The following ME3 variants were observed in gnomAD, a reference collection of about 807,000 sequenced individuals.
The protein encoded by ME3 is malic enzyme 3.
In ME3, 48 loss-of-function variants were observed where a neutral mutation model predicts 68.9. That is an observed-to-expected ratio of 0.70 (90% CI 0.55 to 0.89). The LOEUF is 0.89. Among genes scored for constraint, ME3 ranks in the 40% least tolerant of loss-of-function variants. The pLI, the probability that ME3 is intolerant of heterozygous loss-of-function variation, is 0.00. For synonymous variants in ME3, 320 were observed against 318.8 expected (o/e 1.00, Z -0.04); for missense variants, 675 against 797.4 (o/e 0.85, Z 1.85).
intron 4 of ME3, among the ~76,000 whole-genome samples, chr11:86,528,924 C>A (rs1293867198): frequency 2.0e-5 from 3 of 152,044 alleles, no homozygotes; most frequent in African/African-American, 7.2e-5. Context: ...AAGATTGATA[C>A]CCTAACATCA....
At chr11:86,501,175 T>TATAATAATAAGAATAATA (rs1952697964) in intron 5 of ME3, among the ~76,000 whole-genome samples, 1 of 147,138 alleles carries the variant, frequency 6.8e-6, no homozygotes. Context: ...ATAAAATGCA[T>TATAATAATAAGAATAATA]ATAATAATAA....
intron 2 of ME3, among the ~76,000 whole-genome samples, chr11:86,582,167 A>G (rs1958475276): frequency 6.6e-6 from 1 of 152,262 alleles, no homozygotes; most frequent in African/African-American, 2.4e-5. Flanking sequence ...GGCCTTTAAT[A>G]GAGCAAACTA....
chr11:86,666,547 GTAAT>G (rs1219887340), intron 2 of ME3, among the ~76,000 whole-genome samples: 5 of 152,324 alleles, frequency 3.3e-5, no homozygotes, highest in South Asian at 4.1e-4. Flanking sequence ...CCAATACTTA[GTAAT>G]CCTGTGAAGC....
intron 2 of ME3, among the ~76,000 whole-genome samples, chr11:86,610,408 G>A (rs911994810): frequency 6.6e-6 from 1 of 152,152 alleles, no homozygotes; most frequent in Non-Finnish European, 1.5e-5. Flanking sequence ...ATATTTCATG[G>A]AGAAAGGGGC....
chr11:86,475,874 T>TATATAGAGAGAG lies in ME3; in HGVS notation c.810-10675_810-10674insCTCTCTCTATAT. On this transcript the variant is annotated intron_variant, in intron 7 of 14. Coordinates refer to ENST00000543262, the Ensembl canonical transcript of ME3. ...CAGTATATATATATATATATATATA[T>TATATAGAGAGAG]AGAGAGAGAGAGAGAGAGAGAGAGA... Among the ~76,000 whole-genome samples, 671 of 91,414 alleles carry TATATAGAGAGAG rather than the reference T, an allele frequency of 7.3e-3. 4 individuals are homozygous for TATATAGAGAGAG. Among genetic ancestry groups the TATATAGAGAGAG allele is most frequent in the Non-Finnish European group, 0.011 (551 of 48,428 alleles). The allele number at this position is 91,414 out of a possible 152,430, so 60.0% of individuals were successfully genotyped here.
At chr11:86,585,188 A>G (rs1314553130) in intron 2 of ME3, among the ~76,000 whole-genome samples, 1 of 152,228 alleles carries the variant, frequency 6.6e-6, no homozygotes, top group Admixed American at 6.5e-5. Context: ...CAGGGCAATG[A>G]GAAACTACTG....
At chr11:86,565,552 GA>G (rs1565147800) in intron 2 of ME3, among the ~76,000 whole-genome samples, 3 of 152,158 alleles carry the variant, frequency 2.0e-5, no homozygotes, top group African/African-American at 7.2e-5. Context: ...CTATAAAAAG[GA>G]ATGAAGTTCT....
At chr11:86,452,685 T>C (rs1398959252) in intron 8 of ME3, among the ~76,000 whole-genome samples, 1 of 152,254 alleles carries the variant, frequency 6.6e-6, no homozygotes, top group African/African-American at 2.4e-5. Context: ...TCCTTGATCA[T>C]AATGTGACTA....
chr11:86,487,379 T>A (rs901598709), exon 7 of ME3: 1 of 1,614,076 alleles, frequency 6.2e-7, no homozygotes, highest in Admixed American at 1.7e-5. Context: ...CAAGTCATCG[T>A]ATGCCTTCCC....
rs747538292 is a variant in ME3 at position 86,446,543 on chromosome 11, A to G, written c.1381-56T>C. The G allele has an allele frequency of 1.2e-5, 18 of 1,548,804 alleles. 1 individual carries two copies. The highest frequency in any genetic ancestry group is 1.7e-4 in the Middle Eastern group (1 of 5,938). On this transcript the variant is annotated intron_variant, in intron 12 of 14. Transcript: ENST00000543262. ...TTGGAGATTGGTTTGGGGTAATAAT[A>G]GTGGCCTATTCTTATCTTCCAAATG... is the stretch of plus-strand genomic sequence containing the variant.
intron 2 of ME3, among the ~76,000 whole-genome samples, chr11:86,610,005 A>G (rs1031286451): frequency 6.6e-6 from 1 of 152,236 alleles, no homozygotes; most frequent in Admixed American, 6.5e-5. Context: ...GGTATAAACT[A>G]TCATCAGACC....
chr11:86,540,788 C>T (rs758830686), intron 4 of ME3, among the ~76,000 whole-genome samples: 8 of 152,178 alleles, frequency 5.3e-5, no homozygotes, highest in Non-Finnish European at 7.4e-5. Context: ...TACTCTTCCT[C>T]TACCCCAGAA....
chr11:86,619,850 T>C (rs1943233745), intron 2 of ME3, among the ~76,000 whole-genome samples: 1 of 152,206 alleles, frequency 6.6e-6, no homozygotes. Context: ...ATATTATACA[T>C]TAATTAGGGC....
At chr11:86,625,170 C>T (rs921716227) in intron 2 of ME3, among the ~76,000 whole-genome samples, 7 of 151,716 alleles carry the variant, frequency 4.6e-5, no homozygotes, top group African/African-American at 1.7e-4. Flanking sequence ...GTGTTCTTAC[C>T]CCCATTGCCA....
intron 2 of ME3, among the ~76,000 whole-genome samples, chr11:86,578,522 AC>A (rs1958250582): frequency 6.6e-6 from 1 of 152,172 alleles, no homozygotes; most frequent in Non-Finnish European, 1.5e-5. Context: ...ACAACCAAGG[AC>A]AAGCTCATCT....
intron 2 of ME3, among the ~76,000 whole-genome samples, chr11:86,656,553 A>G (rs1373916417): frequency 6.9e-6 from 1 of 144,056 alleles, no homozygotes; most frequent in African/African-American, 2.6e-5. Flanking sequence ...AACAATGAGA[A>G]CACATGGACA....
chr11:86,442,960 C>T, intron 13 of ME3, 41 bp from the exon 14 acceptor site: 1 of 1,539,278 alleles, frequency 6.5e-7, no homozygotes, highest in Non-Finnish European at 9.0e-7. Context: ...AGCTGAGTCT[C>T]TGCCTTCCCA....
At chr11:86,543,794 A>G (rs1249118580) in intron 4 of ME3, among the ~76,000 whole-genome samples, 1 of 152,218 alleles carries the variant, frequency 6.6e-6, no homozygotes, top group Non-Finnish European at 1.5e-5. Context: ...TCAGCTCTGG[A>G]CCAAGTGGAG....
chr11:86,448,716 G>C (rs1949460783), intron 10 of ME3, among the ~76,000 whole-genome samples: 2 of 152,142 alleles, frequency 1.3e-5, no homozygotes, highest in Non-Finnish European at 2.9e-5. Context: ...ACTAAACTAA[G>C]CTCCAGGAAG....
Sources: allele counts gnomAD v4.1 joint callset (sites outside exome capture counted in the v4.1 genomes callset), GRCh38; gene constraint gnomAD v4.1.1; transcripts MANE v1.5; gene names NCBI Gene and HGNC (gene_info 2026-07-23, HGNC 2026-07-21).